FLNB: variants seen among roughly 807,000 people sequenced by gnomAD.
FLNB encodes the protein filamin-B.
In FLNB, 111 loss-of-function variants were observed where a neutral mutation model predicts 250.6. The observed-to-expected ratio is 0.44, with a 90% CI of 0.38 to 0.52. FLNB has a LOEUF of 0.52. FLNB is among the 20% of genes least tolerant of loss of function. The probability of loss-of-function intolerance (pLI) is 0.00; values close to 1 mark genes in which losing one functional copy is unlikely to be tolerated. For synonymous variants in FLNB, 1,302 were observed against 1,372.1 expected, an observed-to-expected ratio of 0.95 and a Z score of 1.13; for missense variants, 2,869 against 3,447.8, an observed-to-expected ratio of 0.83 and a Z score of 4.20.
intron 39 of FLNB, 103 bp from the exon 40 acceptor site, chr3:58,154,688 C>A: frequency 1.6e-6 from 2 of 1,268,222 alleles, no homozygotes; most frequent in Non-Finnish European, 2.3e-6. Flanking sequence ...GAGGAAAGGG[C>A]TAGCAACAGA....
At chr3:58,044,192 T>G (rs912542260) in intron 1 of FLNB, among the ~76,000 whole-genome samples, 16 of 152,110 alleles carry the variant, frequency 1.1e-4, no homozygotes, top group African/African-American at 3.9e-4. Flanking sequence ...CAAATCTGGG[T>G]GGGTGGAGTC....
intron 1 of FLNB, among the ~76,000 whole-genome samples, chr3:58,052,153 G>A (rs2097163409): frequency 1.3e-5 from 2 of 152,198 alleles, no homozygotes; most frequent in Admixed American, 6.5e-5. Context: ...CTACCAAAGT[G>A]CTGGGATTAT....
chr3:58,142,821 G>T lies in FLNB; in HGVS notation c.5284+69G>T. ...ACGAGCTTCCCAGAATGGTGCTGGG[G>T]AGGTGTGTCCACTGTCCCCCAGACC... On this transcript the variant is annotated intron_variant, in intron 31 of 45. Transcript: ENST00000295956. This position sits in a 1 kb window ranked among gnomAD's most constrained non-coding sequence, Gnocchi z 4.3. 1 of 1,375,430 alleles carries T rather than the reference G, an allele frequency of 7.3e-7. No individual in the cohort carries two copies. The highest frequency in any genetic ancestry group is 1.2e-5 in the South Asian group (1 of 85,758). The allele number at this position is 1,375,430 out of a possible 1,614,324, so 85.2% of individuals were successfully genotyped here.
At chr3:58,025,511 T>G (rs1239565232) in intron 1 of FLNB, among the ~76,000 whole-genome samples, 2 of 152,176 alleles carry the variant, frequency 1.3e-5, no homozygotes, top group Non-Finnish European at 2.9e-5. Flanking sequence ...GCAGCGGCAG[T>G]AAGGTCCTGG....
intron 1 of FLNB, among the ~76,000 whole-genome samples, chr3:58,065,418 T>C (rs1400395155): frequency 6.6e-6 from 1 of 152,248 alleles, no homozygotes. Flanking sequence ...GTTTGGGCTT[T>C]GATAACAGAG....
At chr3:58,064,504 G>C (rs920785897) in intron 1 of FLNB, among the ~76,000 whole-genome samples, 2 of 152,098 alleles carry the variant, frequency 1.3e-5, no homozygotes, top group African/African-American at 4.8e-5. Flanking sequence ...AAGAAAAATA[G>C]AGCAAATTGA....
chr3:58,098,785 G>A lies in FLNB; in HGVS notation c.1222G>A (p.Asp408Asn). 1 of 1,614,212 alleles carries A rather than the reference G, an allele frequency of 6.2e-7. No homozygotes were observed. The highest frequency in any genetic ancestry group is 8.5e-7 in the Non-Finnish European group (1 of 1,180,048). Residue 408 changes from aspartate (D) to asparagine (N), a missense_variant, in exon 8 of 46, where the codon GAC becomes AAC. By Grantham distance (23) the Asp-to-Asn change is conservative. This residue lies in a region of FLNB where 1,348 missense variants were observed against 1,466.7 expected (regional missense o/e 0.92). Coordinates refer to ENST00000295956, the MANE Select transcript of FLNB (RefSeq NM_001457.4). ...GAACACCGTGGAGTTGCTCGTGGAAGACAAAGGAAACCAGGTGTATCGATG... is the reference window on the plus strand; with the variant it reads ...GAACACCGTGGAGTTGCTCGTGGAAAACAAAGGAAACCAGGTGTATCGATG... ...GKNTVELLVE[D>N]KGNQVYRCVY...
In FLNB at chr3:58,128,645, G is replaced by A. The variant is rs533356554; in HGVS notation, c.4222+1883G>A. ...GGGTAGAAGGCTGCTCCCAGGAGGG[G>A]TGATGTGGCTCCGACCTGGCAGGCA... On this transcript the variant is annotated intron_variant, in intron 24 of 45. Coordinates refer to ENST00000295956, the MANE Select transcript of FLNB (RefSeq NM_001457.4). Among the ~76,000 whole-genome samples the A allele has an allele frequency of 2.0e-5, 3 of 152,274 alleles. No individual in the cohort carries two copies. In the East Asian group the frequency reaches 5.8e-4, roughly 29 times the overall value.
intron 1 of FLNB, among the ~76,000 whole-genome samples, chr3:58,056,148 C>CT (rs2097170238): frequency 6.7e-6 from 1 of 149,896 alleles, no homozygotes; most frequent in African/African-American, 2.5e-5. Flanking sequence ...GTCGCCCAGG[C>CT]TGAAGTGCAG....
intron 1 of FLNB, among the ~76,000 whole-genome samples, chr3:58,048,030 G>C (rs2097156726): frequency 6.6e-6 from 1 of 152,038 alleles, no homozygotes; most frequent in Non-Finnish European, 1.5e-5. Flanking sequence ...GCATACCCAA[G>C]AGGTTAGCAC....
chr3:58,168,117 C>T (rs1357023724), intron 43 of FLNB, among the ~76,000 whole-genome samples: 1 of 152,248 alleles, frequency 6.6e-6, no homozygotes, highest in Non-Finnish European at 1.5e-5. Context: ...AGCAGCACTT[C>T]AGGCTCACAG....
In FLNB at chr3:58,110,090, A is replaced by G. The variant is rs1216771950; in HGVS notation, c.2404A>G (p.Asn802Asp). 1.2e-6 allele frequency: 2 copies of G among 1,614,026 alleles called. No homozygotes were observed. The highest frequency in any genetic ancestry group is 1.7e-6 in the Non-Finnish European group (2 of 1,180,020). The change falls in exon 16 of 46, where the codon AAT becomes GAT. Residue 802 changes from asparagine (N) to aspartate (D), a missense_variant. Asn to Asp is a conservative substitution (Grantham distance 23, BLOSUM62 1). Transcript: ENST00000295956. ...EEDVDFDIIH[N>D]ANDTFTVKYV... ...AGACGTGGATTTTGACATTATTCACAATGCCAATGATACGTTCACAGTCAA... is the reference window on the plus strand; with the variant it reads ...AGACGTGGATTTTGACATTATTCACGATGCCAATGATACGTTCACAGTCAA...
intron 20 of FLNB, among the ~76,000 whole-genome samples, chr3:58,122,182 A>C (rs1420093270): frequency 6.7e-6 from 1 of 149,088 alleles, no homozygotes; most frequent in African/African-American, 2.5e-5. Context: ...AAAAAAAAAA[A>C]AAAAACCACA....
chr3:58,035,981 A>G (rs2106778992), intron 1 of FLNB, among the ~76,000 whole-genome samples: 1 of 152,290 alleles, frequency 6.6e-6, no homozygotes, highest in Admixed American at 6.5e-5. Context: ...TTATTCCACA[A>G]AGCTTAATTG....
intron 43 of FLNB, among the ~76,000 whole-genome samples, chr3:58,167,207 C>A (rs1327811853): frequency 6.6e-6 from 1 of 152,196 alleles, no homozygotes; most frequent in Non-Finnish European, 1.5e-5. Context: ...CTCCTTGTTG[C>A]TCACCTCCCG....
At chr3:58,117,574 G>A (rs2097280715) in intron 18 of FLNB, among the ~76,000 whole-genome samples, 1 of 152,104 alleles carries the variant, frequency 6.6e-6, no homozygotes. Context: ...TGGCACGTTG[G>A]GAATGCCACG....
intron 11 of FLNB, 46 bp downstream of exon 11, chr3:58,105,262 A>G (rs750064500): frequency 6.2e-7 from 1 of 1,613,026 alleles, no homozygotes; most frequent in Non-Finnish European, 8.5e-7. Context: ...ACTGAGGATT[A>G]CAGGGCTTCC....
At chr3:58,018,507 G>GTATTTT (rs1162435261) in intron 1 of FLNB, among the ~76,000 whole-genome samples, 2 of 149,352 alleles carry the variant, frequency 1.3e-5, no homozygotes, top group Non-Finnish European at 3.0e-5. Flanking sequence ...GCTAGTTTTG[G>GTATTTT]TATTTTTATT....
chr3:58,076,939 C>A, intron 1 of FLNB, 107 bp from the exon 2 acceptor site: 1 of 1,286,454 alleles, frequency 7.8e-7, no homozygotes, highest in Non-Finnish European at 1.1e-6. Flanking sequence ...TTAAATATCT[C>A]AGTATGGTTC....
Sources: gnomAD v4.1 joint callset for allele counts (sites outside exome capture counted in the v4.1 genomes callset) on GRCh38, gnomAD v4.1.1 for gene constraint, gnomAD v4.1.1 regional missense constraint, Gnocchi (gnomAD v3.1) non-coding constraint, MANE v1.5 for transcripts, NCBI Gene and HGNC (gene_info 2026-07-23, HGNC 2026-07-21) for gene names.